Variants in DAB1 observed in about 807,000 individuals in gnomAD.
DAB1 encodes DAB adaptor protein 1.
A neutral mutation model predicts 64.6 loss-of-function variants in DAB1; 15 were observed. The ratio of observed to expected loss-of-function variants is 0.23; its 90% CI spans 0.16 to 0.36. The LOEUF (loss-of-function observed/expected upper bound fraction) is 0.36. Among genes scored for constraint, DAB1 ranks in the 10% least tolerant of loss-of-function variants. DAB1 has a pLI of 1.00. For synonymous variants in DAB1, 235 were observed against 251.9 expected, an observed-to-expected ratio of 0.93 and a Z score of 0.64; for missense variants, 596 against 706.7, an observed-to-expected ratio of 0.84 and a Z score of 1.78.
At chr1:58,300,530 A>C (rs1662098674) in intron 4 of DAB1, among the ~76,000 whole-genome samples, 1 of 147,690 alleles carries the variant, frequency 6.8e-6, no homozygotes, top group Non-Finnish European at 1.5e-5. Flanking sequence ...CTGGGCAACA[A>C]AAGTGAAACT....
At chr1:58,071,248 G>A (rs758528377) in intron 5 of DAB1, among the ~76,000 whole-genome samples, 3 of 152,288 alleles carry the variant, frequency 2.0e-5, no homozygotes, top group Non-Finnish European at 2.9e-5. Context: ...ATCCAGCTGA[G>A]GAAGGATTCT....
intron 5 of DAB1, among the ~76,000 whole-genome samples, chr1:57,938,233 C>G (rs1231886155): frequency 2.0e-5 from 3 of 152,208 alleles, no homozygotes; most frequent in Non-Finnish European, 4.4e-5. Context: ...GATACTGGCA[C>G]TTGGATCAAT....
intron 6 of DAB1, chr1:57,649,793 A>G (rs896524898): frequency 2.0e-5 from 3 of 152,222 alleles, no homozygotes; most frequent in African/African-American, 7.2e-5. Flanking sequence ...GGGAATAGAG[A>G]GATGGATAAA....
At chr1:57,411,422 TG>T (rs1386036820) in intron 1 of DAB1, among the ~76,000 whole-genome samples, 1 of 152,242 alleles carries the variant, frequency 6.6e-6, no homozygotes, top group Non-Finnish European at 1.5e-5. Context: ...AAGCTAGAAC[TG>T]GGCTACCAGC....
chr1:58,173,501 C>T (rs555422902), intron 4 of DAB1, among the ~76,000 whole-genome samples: 1 of 152,294 alleles, frequency 6.6e-6, no homozygotes, highest in South Asian at 2.1e-4. Flanking sequence ...AATGCCTTCT[C>T]ATCCCCTCTT....
chr1:57,705,874 GT>G (rs11375591), intron 6 of DAB1, among the ~76,000 whole-genome samples: 147 of 144,788 alleles, frequency 1.0e-3, no homozygotes, highest in Non-Finnish European at 1.5e-3. Context: ...CAATACTAGG[GT>G]TTTTTTTTTT....
chr1:57,672,952 G>C (rs1420832112), intron 6 of DAB1, among the ~76,000 whole-genome samples: 1 of 152,204 alleles, frequency 6.6e-6, no homozygotes, highest in Non-Finnish European at 1.5e-5. Flanking sequence ...ATGTGATCAA[G>C]AGAGATCATC....
intron 5 of DAB1, among the ~76,000 whole-genome samples, chr1:57,985,342 T>G (rs1021140556): frequency 6.6e-6 from 1 of 152,150 alleles, no homozygotes; most frequent in Non-Finnish European, 1.5e-5. Context: ...AGACAGGAAA[T>G]GTGGTATTTA....
chr1:57,158,445 C>G (rs1660444536), intron 2 of DAB1, among the ~76,000 whole-genome samples: 1 of 152,178 alleles, frequency 6.6e-6, no homozygotes, highest in South Asian at 2.1e-4. Context: ...CTATCTGAAT[C>G]AGAGGCTATC....
At chr1:57,339,349 G>A (rs1185233329) in intron 1 of DAB1, among the ~76,000 whole-genome samples, 1 of 151,948 alleles carries the variant, frequency 6.6e-6, no homozygotes, top group African/African-American at 2.4e-5. Context: ...GTAGAGATGG[G>A]GTTTCACTGT....
At chr1:58,536,661 T>A in intron 1 of DAB1, 6 of 872,840 alleles carry the variant, frequency 6.9e-6, no homozygotes, top group Non-Finnish European at 1.2e-5. Flanking sequence ...AAGGAATAGC[T>A]TCCATTTATT....
intron 5 of DAB1, among the ~76,000 whole-genome samples, chr1:58,139,308 T>A (rs1174612623): frequency 6.6e-6 from 1 of 152,168 alleles, no homozygotes. Context: ...TCCATTCTCA[T>A]GCTACTATGA....
intron 1 of DAB1, among the ~76,000 whole-genome samples, chr1:57,395,508 T>C (rs1028045896): frequency 2.6e-5 from 4 of 152,128 alleles, no homozygotes; most frequent in African/African-American, 9.7e-5. Flanking sequence ...AAGCCAAGAA[T>C]TGTTTTACCT....
At chr1:57,650,118 A>C (rs1167734668) in intron 6 of DAB1, among the ~76,000 whole-genome samples, 1 of 152,222 alleles carries the variant, frequency 6.6e-6, no homozygotes, top group African/African-American at 2.4e-5. Flanking sequence ...TCTGTAATTC[A>C]GCTTCCGGAT....
At chr1:58,227,705 A>C (rs1272921187) in intron 4 of DAB1, among the ~76,000 whole-genome samples, 1 of 152,194 alleles carries the variant, frequency 6.6e-6, no homozygotes, top group Non-Finnish European at 1.5e-5. Flanking sequence ...AGGGAGAAGT[A>C]GGTCATGGAG....
At chr1:57,713,087 A>C (rs1647045267) in intron 6 of DAB1, among the ~76,000 whole-genome samples, 1 of 152,202 alleles carries the variant, frequency 6.6e-6, no homozygotes. Context: ...TGTTTCCATC[A>C]CTGGTACACT....
intron 2 of DAB1, among the ~76,000 whole-genome samples, chr1:58,520,432 A>C (rs1457540378): frequency 6.6e-6 from 1 of 152,236 alleles, no homozygotes; most frequent in Non-Finnish European, 1.5e-5. Context: ...TAATTCACAA[A>C]GGAATATAAA....
At chr1:57,300,923 G>A (rs886431711) in intron 1 of DAB1, among the ~76,000 whole-genome samples, 1 of 151,984 alleles carries the variant, frequency 6.6e-6, no homozygotes, top group Non-Finnish European at 1.5e-5. Context: ...CCACCACAGT[G>A]GGATAACAGG....
chr1:57,949,509 ATATC>A (rs1340688083), intron 5 of DAB1, among the ~76,000 whole-genome samples: 1 of 142,624 alleles, frequency 7.0e-6, no homozygotes, highest in Admixed American at 7.4e-5. Flanking sequence ...CTATCTATCT[ATATC>A]TGTCTGTCTG....
Sources: allele counts gnomAD v4.1 joint callset (sites outside exome capture counted in the v4.1 genomes callset), GRCh38; gene constraint gnomAD v4.1.1; transcripts MANE v1.5; gene names NCBI Gene and HGNC (gene_info 2026-07-23, HGNC 2026-07-21).